Variants in ADAM10 observed in about 807,000 individuals in gnomAD.
ADAM10 encodes the protein ADAM metallopeptidase domain 10.
ADAM10 carries 17 observed loss-of-function variants against 90.1 expected under a neutral mutation model. That is an observed-to-expected ratio of 0.19 (90% CI 0.13 to 0.28). The LOEUF (loss-of-function observed/expected upper bound fraction) is 0.28, where lower values mean the gene tolerates loss of function less well. Ranked by LOEUF, ADAM10 falls within the 10% of genes least tolerant of loss-of-function variation. ADAM10 has a pLI of 1.00. For synonymous variants in ADAM10, 310 were observed against 298.6 expected (o/e 1.04, Z -0.40); for missense variants, 610 against 914.3 (o/e 0.67, Z 4.29).
intron 4 of ADAM10, among the ~76,000 whole-genome samples, chr15:58,677,163 C>T (rs1346144745): frequency 6.6e-6 from 1 of 152,166 alleles, no homozygotes; most frequent in African/African-American, 2.4e-5. Context: ...TCCTTCCGTA[C>T]TCCCATCCTC....
At chr15:58,670,008 T>A (rs1013752613) in intron 4 of ADAM10, among the ~76,000 whole-genome samples, 18 of 152,202 alleles carry the variant, frequency 1.2e-4, no homozygotes, top group African/African-American at 4.1e-4. Flanking sequence ...GATGGGCATG[T>A]TTATTATCTT....
intron 2 of ADAM10, chr15:58,692,845 TG>T: frequency 1.5e-6 from 1 of 660,780 alleles, no homozygotes; most frequent in Non-Finnish European, 2.9e-6. Context: ...TGCACAAGAC[TG>T]AAAAGCCTCC....
At chr15:58,702,088 A>T (rs1408360083) in intron 2 of ADAM10, among the ~76,000 whole-genome samples, 1 of 152,228 alleles carries the variant, frequency 6.6e-6, no homozygotes, top group Non-Finnish European at 1.5e-5. Flanking sequence ...ACTGGGCAAC[A>T]GAGCGAGATT....
At chr15:58,678,047 CT>C (rs1443262636) in intron 4 of ADAM10, among the ~76,000 whole-genome samples, 60 of 152,150 alleles carry the variant, frequency 3.9e-4, no homozygotes, top group African/African-American at 1.3e-3. Flanking sequence ...TAGCTTAGAG[CT>C]TGAAAAGAAA....
intron 1 of ADAM10, among the ~76,000 whole-genome samples, chr15:58,720,401 TTTA>T (rs1898810963): frequency 1.0e-4 from 2 of 19,500 alleles, no homozygotes; most frequent in Non-Finnish European, 3.5e-4. Context: ...TTTATTTTAT[TTTA>T]TTTTTTTTTT....
intron 5 of ADAM10, among the ~76,000 whole-genome samples, chr15:58,664,827 A>G (rs1897043198): frequency 6.6e-6 from 1 of 152,176 alleles, no homozygotes; most frequent in South Asian, 2.1e-4. Context: ...TTACATTTAT[A>G]TAAAACATTT....
Position 58,592,301 on chromosome 15 carries a change from C to T in ADAM10, c.*5246G>A, listed in dbSNP as rs1894841265. The T allele has an allele frequency of 6.6e-6, 1 of 152,196 alleles. No homozygotes were observed. The highest frequency in any genetic ancestry group is 1.5e-5 in the Non-Finnish European group (1 of 68,036). 9.4% of individuals were successfully genotyped at this position (152,196 alleles called of 1,614,324 possible). ...GTGATATCCTAATTCTATCATTTCT[C>T]TTATTACCTGGAATTTCTTTAAAAG... On this transcript the variant is annotated 3_prime_UTR_variant, in exon 16 of 16. Coordinates refer to ENST00000260408, the MANE Select transcript of ADAM10 (RefSeq NM_001110.4).
rs555793380 is a variant in ADAM10 at position 58,625,839 on chromosome 15, T to C, written c.1360+1861A>G. On this transcript the variant is annotated intron_variant, in intron 10 of 15. Coordinates refer to ENST00000260408, the MANE Select transcript of ADAM10 (RefSeq NM_001110.4). ...CTCAGAAATAAAAAAGAACGAACTA[T>C]TGATAAAGGCAATAATTTAGATGAA... Among the ~76,000 whole-genome samples the C allele has an allele frequency of 3.3e-5, 5 of 152,286 alleles. No homozygotes were observed. In the East Asian group the frequency reaches 5.8e-4, roughly 18 times the overall value.
rs564511832 is a variant in ADAM10 at position 58,644,052 on chromosome 15, A to G, written c.736-74T>C. On this transcript the variant is annotated intron_variant, in intron 6 of 15. Transcript: ENST00000260408. ...AAAGATTATAAATTTCCATTTCCAAAATCAGTAATTATTCATGTCCTGCCA... is the reference window on the plus strand; with the variant it reads ...AAAGATTATAAATTTCCATTTCCAAGATCAGTAATTATTCATGTCCTGCCA... 14 of 1,131,624 alleles carry G rather than the reference A, an allele frequency of 1.2e-5. No homozygotes were observed. In the African/African-American group the frequency reaches 2.0e-4, roughly 16 times the overall value. The allele number at this position is 1,131,624 out of a possible 1,614,324, so 70.1% of individuals were successfully genotyped here. A position where few individuals can be genotyped will look rare whatever the true frequency, so the allele number is the denominator to read the frequency against.
chr15:58,679,007 T>G, intron 4 of ADAM10, 117 bp downstream of exon 4: 1 of 1,046,618 alleles, frequency 9.6e-7, no homozygotes, highest in South Asian at 1.4e-5. Context: ...AAAAACTATG[T>G]TCTAGCCTGA....
At position 58,593,149 on chromosome 15, in the gene ADAM10, A is replaced by ATTTTTTTTTTTT. The variant is rs766149223; in HGVS notation, c.*4386_*4397dup. The stretch of plus-strand genomic sequence containing the variant: ...AAAGTAACAAAGGCCAGGTACTCAA[A>ATTTTTTTTTTTT]TTTTTTTTTTTTTTTTTTTTTTTTT... On this transcript the variant is annotated 3_prime_UTR_variant, in exon 16 of 16. Coordinates refer to ENST00000260408, the MANE Select transcript of ADAM10 (RefSeq NM_001110.4). 13 of 68,462 alleles carry ATTTTTTTTTTTT rather than the reference A, an allele frequency of 1.9e-4. 2 individuals carry two copies. Among genetic ancestry groups the ATTTTTTTTTTTT allele is most frequent in the African/African-American group, 2.8e-4 (5 of 17,966 alleles). 4.2% of individuals were successfully genotyped at this position (68,462 alleles called of 1,614,324 possible). A position where few individuals can be genotyped will look rare whatever the true frequency, so the allele number is the denominator to read the frequency against.
chr15:58,642,681 A>C (rs1375966934), intron 7 of ADAM10, among the ~76,000 whole-genome samples: 1 of 152,280 alleles, frequency 6.6e-6, no homozygotes, highest in African/African-American at 2.4e-5. Context: ...CATTTTCCTC[A>C]AAGGTGCGTC....
chr15:58,716,497 T>C (rs1898663089), intron 2 of ADAM10, among the ~76,000 whole-genome samples: 1 of 152,210 alleles, frequency 6.6e-6, no homozygotes. Context: ...AAAGTTTACA[T>C]GGTATATTCA....
chr15:58,610,506 T>C lies in ADAM10; in HGVS notation c.1816A>G (p.Thr606Ala). ...TGCACAGACCCTGTACTGGCACAAG[T>C]TGATGGGTCCACTGGAAAAGAAATG... ...VCCMKKMDPS[T>A]CASTGSVQWS... Residue 606 changes from threonine (T) to alanine (A), a missense_variant, in exon 14 of 16, where the codon ACT becomes GCT. Coordinates refer to ENST00000260408, the MANE Select transcript of ADAM10 (RefSeq NM_001110.4). 1 of 1,614,128 alleles carries C rather than the reference T, an allele frequency of 6.2e-7. No individual in the cohort carries two copies. Among genetic ancestry groups the C allele is most frequent in the Non-Finnish European group, 8.5e-7 (1 of 1,179,990 alleles).
At chr15:58,749,254 G>C (rs1013461797) in intron 1 of ADAM10, among the ~76,000 whole-genome samples, 2 of 152,162 alleles carry the variant, frequency 1.3e-5, no homozygotes, top group African/African-American at 4.8e-5. Context: ...TGGGGGGCGG[G>C]GAAGGCCTCG....
chr15:58,741,508 C>T (rs1312342381), intron 1 of ADAM10, among the ~76,000 whole-genome samples: 3 of 152,262 alleles, frequency 2.0e-5, no homozygotes, highest in Admixed American at 6.5e-5. Context: ...AAATCCCAGA[C>T]GCTGACACCC....
chr15:58,614,308 A>G (rs1895540220), intron 11 of ADAM10, among the ~76,000 whole-genome samples: 1 of 136,206 alleles, frequency 7.3e-6, no homozygotes, highest in African/African-American at 3.6e-5. Flanking sequence ...AAGAAAAAAG[A>G]AAGAAAAAAA....
chr15:58,713,779 T>G (rs1340234939), intron 2 of ADAM10, among the ~76,000 whole-genome samples: 1 of 152,186 alleles, frequency 6.6e-6, no homozygotes, highest in Non-Finnish European at 1.5e-5. Context: ...CTTTAAGCTT[T>G]ATTTCAAGAG....
chr15:58,659,962 T>C (rs1283034737), intron 5 of ADAM10, among the ~76,000 whole-genome samples: 1 of 152,174 alleles, frequency 6.6e-6, no homozygotes, highest in Non-Finnish European at 1.5e-5. Flanking sequence ...TCTCCTGATC[T>C]TGTGATCCGC....
Sources: allele counts gnomAD v4.1 joint callset (sites outside exome capture counted in the v4.1 genomes callset), GRCh38; gene constraint gnomAD v4.1.1; transcripts MANE v1.5; gene names NCBI Gene and HGNC (gene_info 2026-07-23, HGNC 2026-07-21).